The following OSBPL3 variants were observed in gnomAD, a reference collection of about 807,000 sequenced individuals.
OSBPL3 encodes oxysterol binding protein like 3.
Under a neutral mutation model 120.1 loss-of-function variants are expected in OSBPL3, and 65 were observed. The ratio of observed to expected loss-of-function variants is 0.54; its 90% CI spans 0.44 to 0.67. The LOEUF (loss-of-function observed/expected upper bound fraction) is 0.67. OSBPL3 is among the 30% of genes least tolerant of loss of function. The probability of loss-of-function intolerance (pLI) is 0.00; values close to 1 mark genes in which losing one functional copy is unlikely to be tolerated. For missense variants in OSBPL3, 1,004 were observed against 1,082.1 expected, an observed-to-expected ratio of 0.93 and a Z score of 1.01; for synonymous variants, 416 against 402.6, an observed-to-expected ratio of 1.03 and a Z score of -0.40.
Position 24,824,277 on chromosome 7 carries a change from T to A in OSBPL3, c.1885-4039A>T, listed in dbSNP as rs1185358854. On this transcript the variant is annotated intron_variant, in intron 16 of 22. Coordinates refer to ENST00000313367, the MANE Select transcript of OSBPL3 (RefSeq NM_015550.4). The surrounding 1 kb of genome is among the most constrained non-coding windows in gnomAD (Gnocchi z 4.9). ...TCTGGTAATTTATAATTTATTTATA[T>A]ATCTGAGGCCTTTCTTTACCTTGAC... Among the ~76,000 whole-genome samples, 1 of 152,234 alleles carries A rather than the reference T, an allele frequency of 6.6e-6. No individual in the cohort carries two copies.
chr7:24,802,215 A>G lies in OSBPL3; in HGVS notation c.2568-1936T>C, dbSNP rs1011443423. On this transcript the variant is annotated intron_variant, in intron 22 of 22. Transcript: ENST00000313367. The surrounding 1 kb of genome is among the most constrained non-coding windows in gnomAD (Gnocchi z 4.1). The stretch of plus-strand genomic sequence containing the variant: ...CACTATTTTAAAACAAAGAGGCTCA[A>G]TTTGGTCTGAGCTCCAGCTTCCACT... Among the ~76,000 whole-genome samples, 1 of 152,158 alleles carries G rather than the reference A, an allele frequency of 6.6e-6. No homozygotes were observed. The highest frequency in any genetic ancestry group is 1.5e-5 in the Non-Finnish European group (1 of 68,026).
chr7:24,908,855 A>G (rs1424301296), intron 1 of OSBPL3, among the ~76,000 whole-genome samples: 1 of 152,040 alleles, frequency 6.6e-6, no homozygotes, highest in Non-Finnish European at 1.5e-5. Context: ...TTTCAGTTCA[A>G]CTCTCTTAAA....
intron 5 of OSBPL3, among the ~76,000 whole-genome samples, chr7:24,868,458 G>T: frequency 6.7e-6 from 1 of 149,520 alleles, no homozygotes; most frequent in South Asian, 2.1e-4. Flanking sequence ...CGAGATTTAT[G>T]AAGCTGTAAT....
chr7:24,867,386 T>C lies in OSBPL3; in HGVS notation c.382-1149A>G, dbSNP rs911503971. Among the ~76,000 whole-genome samples the C allele has an allele frequency of 3.9e-5, 6 of 152,250 alleles. No individual in the cohort carries two copies. The highest frequency in any genetic ancestry group is 7.3e-5 in the Non-Finnish European group (5 of 68,042). Reference sequence around the variant, plus strand: ...ACATTGCTGAGGAGTATATGTGGTATGGTTTGGCTGTGTCCCATGTCCCAC... The same window carrying C: ...ACATTGCTGAGGAGTATATGTGGTACGGTTTGGCTGTGTCCCATGTCCCAC... On this transcript the variant is annotated intron_variant, in intron 5 of 22. Transcript: ENST00000313367. The surrounding 1 kb of genome is among the most constrained non-coding windows in gnomAD (Gnocchi z 4.5).
rs1277117369 is a variant in OSBPL3 at position 24,894,855 on chromosome 7, T to C, written c.-149-2234A>G. Among the ~76,000 whole-genome samples, 1 of 152,194 alleles carries C rather than the reference T, an allele frequency of 6.6e-6. No homozygotes were observed. The highest frequency in any genetic ancestry group is 6.5e-5 in the Admixed American group (1 of 15,282). ...GCTGATACAGGGTCATCTTTATCTC[T>C]TTGTCCTGCAGAATTTCAGTTGGGA... On this transcript the variant is annotated intron_variant, in intron 1 of 22. Transcript: ENST00000313367. The surrounding 1 kb of genome is among the most constrained non-coding windows in gnomAD (Gnocchi z 4.1).
At chr7:24,927,203 C>T (rs760040965) in intron 1 of OSBPL3, among the ~76,000 whole-genome samples, 1 of 152,098 alleles carries the variant, frequency 6.6e-6, no homozygotes, top group Non-Finnish European at 1.5e-5. Flanking sequence ...AAAGAAAACC[C>T]AAAAGAAAGA....
At position 24,917,417 on chromosome 7, in the gene OSBPL3, T is replaced by TA. The variant is rs1554404951; in HGVS notation, c.-149-24797dup. ...TATTTGTAACATATATATATATATA[T>TA]ATATATATATTTGTAACATATATAT... On this transcript the variant is annotated intron_variant, in intron 1 of 22. Coordinates refer to ENST00000313367, the MANE Select transcript of OSBPL3 (RefSeq NM_015550.4). Among the ~76,000 whole-genome samples the TA allele has an allele frequency of 7.9e-3, 1,123 of 142,008 alleles. 21 individuals carry two copies. The highest frequency in any genetic ancestry group is 0.029 in the Middle Eastern group (8 of 278). The allele number at this position is 142,008 out of a possible 152,430, so 93.2% of individuals were successfully genotyped here.
chr7:24,844,613 C>G (rs1461865167), intron 12 of OSBPL3, among the ~76,000 whole-genome samples: 1 of 152,102 alleles, frequency 6.6e-6, no homozygotes, highest in African/African-American at 2.4e-5. Flanking sequence ...ATTTTCATAT[C>G]TCTATGTATG....
chr7:24,955,374 C>T lies in OSBPL3; in HGVS notation c.-150+24512G>A, dbSNP rs1025078725. Among the ~76,000 whole-genome samples the T allele has an allele frequency of 3.9e-5, 6 of 152,158 alleles. No homozygotes were observed. The highest frequency in any genetic ancestry group is 7.2e-5 in the African/African-American group (3 of 41,430). On this transcript the variant is annotated intron_variant, in intron 1 of 22. Transcript: ENST00000313367. This position sits in a 1 kb window ranked among gnomAD's most constrained non-coding sequence, Gnocchi z 4.3. ...AAAAATATACTGAGCACTTACAATGCGCTGGGAATTTTTCCAGTGCTGGGA... is the reference window on the plus strand; with the variant it reads ...AAAAATATACTGAGCACTTACAATGTGCTGGGAATTTTTCCAGTGCTGGGA...
intron 1 of OSBPL3, among the ~76,000 whole-genome samples, chr7:24,950,850 C>A (rs1306428104): frequency 1.3e-5 from 2 of 152,102 alleles, no homozygotes; most frequent in African/African-American, 2.4e-5. Flanking sequence ...TAATTTGGAA[C>A]TCAAGTCACC....
rs186014185 is a variant in OSBPL3, at chr7:24,809,832, G to A, written c.2292C>T (p.Ser764=). ...TTGCTCTCCATACACAGGCAGAAGA[G>A]GAGCCGCCGCCACAGTAGATGCTTT... ...WHESIYCGGG[S]SSACVWRANP... Residue 764 remains serine, a synonymous_variant, in exon 20 of 23, where the codon TCC becomes TCT. Coordinates refer to ENST00000313367, the MANE Select transcript of OSBPL3 (RefSeq NM_015550.4). 83 of 1,614,158 alleles carry A rather than the reference G, an allele frequency of 5.1e-5. No homozygotes were observed. The highest frequency in any genetic ancestry group is 6.4e-5 in the Non-Finnish European group (75 of 1,180,026).
intron 1 of OSBPL3, among the ~76,000 whole-genome samples, chr7:24,897,061 G>GAGAGAGGGAGGGAGGGA (rs1044173070): frequency 1.3e-5 from 2 of 150,262 alleles, no homozygotes; most frequent in African/African-American, 4.9e-5. Context: ...GGGAAGGAGG[G>GAGAGAGGGAGGGAGGGA]AGAGAGGGAG....
intron 20 of OSBPL3, among the ~76,000 whole-genome samples, chr7:24,807,549 T>G (rs1793217697): frequency 6.6e-6 from 1 of 151,996 alleles, no homozygotes; most frequent in Non-Finnish European, 1.5e-5. Context: ...TAATATCAGC[T>G]CTGGGTCCAT....
Position 24,804,178 on chromosome 7 carries a change from A to G in OSBPL3, c.2567+137T>C. 1 of 977,254 alleles carries G rather than the reference A, an allele frequency of 1.0e-6. No individual in the cohort carries two copies. The allele number at this position is 977,254 out of a possible 1,614,324, so 60.5% of individuals were successfully genotyped here. ...GGGACAGGGCCTGGCACAGAGGAGC[A>G]GTACCCCCACGTGGAAGCAGGAAAA... On this transcript the variant is annotated intron_variant, in intron 22 of 22. Transcript: ENST00000313367. The surrounding 1 kb of genome is among the most constrained non-coding windows in gnomAD (Gnocchi z 5.4).
rs553196710 is a variant in OSBPL3 at position 24,932,221 on chromosome 7, A to C, written c.-149-39600T>G. Among the ~76,000 whole-genome samples the C allele has an allele frequency of 6.6e-6, 1 of 152,204 alleles. No individual in the cohort carries two copies. The highest frequency in any genetic ancestry group is 6.5e-5 in the Admixed American group (1 of 15,276). Reference sequence around the variant, plus strand: ...TCGGCAACTGAGGCTTAACAAGGTCATATTTGTCCACCATCACTGGAATTT... The same window carrying C: ...TCGGCAACTGAGGCTTAACAAGGTCCTATTTGTCCACCATCACTGGAATTT... On this transcript the variant is annotated intron_variant, in intron 1 of 22. Transcript: ENST00000313367. The surrounding 1 kb of genome is among the most constrained non-coding windows in gnomAD (Gnocchi z 5.6).
rs1792897557 is a variant in OSBPL3 at position 24,805,343 on chromosome 7, C to A, written c.2445-906G>T. Among the ~76,000 whole-genome samples, 1 of 152,162 alleles carries A rather than the reference C, an allele frequency of 6.6e-6. No homozygotes were observed. Among genetic ancestry groups the A allele is most frequent in the Non-Finnish European group, 1.5e-5 (1 of 68,026 alleles). On this transcript the variant is annotated intron_variant, in intron 21 of 22. Transcript: ENST00000313367. The surrounding 1 kb of genome is among the most constrained non-coding windows in gnomAD (Gnocchi z 4.0). The stretch of plus-strand genomic sequence containing the variant: ...TCTTATTATGATTAAGGCTGAGCAT[C>A]TTTTCACATGCTTAAGGGATATCTG...
rs762391492 is a variant in OSBPL3 at position 24,966,414 on chromosome 7, G to A, written c.-150+13472C>T. Among the ~76,000 whole-genome samples the A allele has an allele frequency of 3.0e-4, 46 of 152,220 alleles. No homozygotes were observed. The highest frequency in any genetic ancestry group is 1.2e-3 in the Admixed American group (18 of 15,302). ...ACCTCTGGATGCCACAAACAAGTGGGGCTTCCAGGCCCTTAATCAAGGAAC... is the reference window on the plus strand; with the variant it reads ...ACCTCTGGATGCCACAAACAAGTGGAGCTTCCAGGCCCTTAATCAAGGAAC... On this transcript the variant is annotated intron_variant, in intron 1 of 22. Coordinates refer to ENST00000313367, the MANE Select transcript of OSBPL3 (RefSeq NM_015550.4). This position sits in a 1 kb window ranked among gnomAD's most constrained non-coding sequence, Gnocchi z 4.8.
At position 24,863,116 on chromosome 7, in the gene OSBPL3, A is replaced by G; in HGVS notation, c.870+84T>C. ...AGAATATTCACTCATCTATTCTCCTAGCTGAGTCAAGGTAGCTGCTGGCAC... is the reference window on the plus strand; with the variant it reads ...AGAATATTCACTCATCTATTCTCCTGGCTGAGTCAAGGTAGCTGCTGGCAC... On this transcript the variant is annotated intron_variant, in intron 9 of 22. Transcript: ENST00000313367. This position sits in a 1 kb window ranked among gnomAD's most constrained non-coding sequence, Gnocchi z 5.8. The G allele has an allele frequency of 1.1e-6, 1 of 902,260 alleles. No individual in the cohort carries two copies. The highest frequency in any genetic ancestry group is 1.9e-6 in the Non-Finnish European group (1 of 533,944). The allele number at this position is 902,260 out of a possible 1,614,324, so 55.9% of individuals were successfully genotyped here.
chr7:24,831,008 A>G lies in OSBPL3; in HGVS notation c.1747-103T>C. 8.4e-7 allele frequency: 1 copy of G among 1,185,434 alleles called. No individual in the cohort carries two copies. The highest frequency in any genetic ancestry group is 1.1e-6 in the Non-Finnish European group (1 of 880,112). 73.4% of individuals were successfully genotyped at this position (1,185,434 alleles called of 1,614,324 possible). On this transcript the variant is annotated intron_variant, in intron 15 of 22. Transcript: ENST00000313367. This position sits in a 1 kb window ranked among gnomAD's most constrained non-coding sequence, Gnocchi z 4.0. ...AAACCTCTATGATTTTCTTTCAGAAAGCCAAAGATTTGTCTTTGGTTGTTT... is the reference window on the plus strand; with the variant it reads ...AAACCTCTATGATTTTCTTTCAGAAGGCCAAAGATTTGTCTTTGGTTGTTT...
Sources: allele counts gnomAD v4.1 joint callset (sites outside exome capture counted in the v4.1 genomes callset), GRCh38; gene constraint gnomAD v4.1.1; non-coding constraint Gnocchi (gnomAD v3.1); transcripts MANE v1.5; gene names NCBI Gene and HGNC (gene_info 2026-07-23, HGNC 2026-07-21).